CCSER1: variants seen among roughly 807,000 people sequenced by gnomAD.
The protein encoded by CCSER1 is serine-rich coiled-coil domain-containing protein 1.
Under a neutral mutation model 82.0 loss-of-function variants are expected in CCSER1, and 41 were observed. The ratio of observed to expected loss-of-function variants is 0.50; its 90% confidence interval spans 0.39 to 0.65. CCSER1 has a LOEUF of 0.65. Ranked by LOEUF, CCSER1 falls within the 30% of genes least tolerant of loss-of-function variation. CCSER1 has a pLI of 0.00. For missense variants in CCSER1, 1,119 were observed against 1,064.2 expected, an observed-to-expected ratio of 1.05 and a Z score of -0.72; for synonymous variants, 414 against 383.9, an observed-to-expected ratio of 1.08 and a Z score of -0.92.
intron 4 of CCSER1, among the ~76,000 whole-genome samples, chr4:90,453,402 G>T (rs1362226107): frequency 6.6e-6 from 1 of 152,184 alleles, no homozygotes; most frequent in Non-Finnish European, 1.5e-5. Flanking sequence ...TACAAGGGTT[G>T]TTACAGGGTT....
intron 3 of CCSER1, among the ~76,000 whole-genome samples, chr4:90,362,885 T>A (rs1302966733): frequency 3.3e-5 from 5 of 152,212 alleles, no homozygotes; most frequent in African/African-American, 1.2e-4. Context: ...CCTTTCTAAG[T>A]TGTGTGAGTA....
rs1428214661 is a variant in CCSER1, at chr4:90,703,037, C to T, written c.1933-20877C>T. Among the ~76,000 whole-genome samples the T allele has an allele frequency of 3.3e-5, 5 of 152,198 alleles. No individual in the cohort carries two copies. The East Asian group carries it at 9.6e-4, about 29-fold the overall frequency. On this transcript the variant is annotated intron_variant, in intron 6 of 10. Transcript: ENST00000509176. ...TAGCTTTTGAATGTGTTTGCTCTTG[C>T]TTCTCTAGTTGTTTTAATTGTGATG...
chr4:91,462,157 A>G lies in CCSER1; in HGVS notation c.2218-136415A>G, dbSNP rs538986820. The stretch of plus-strand genomic sequence containing the variant: ...TTGCCTTAATAATCATGAATTCTGA[A>G]GTAACAAAAATCCTGAATAAATGAG... On this transcript the variant is annotated intron_variant, in intron 10 of 10. Coordinates refer to ENST00000509176, the MANE Select transcript of CCSER1 (RefSeq NM_001145065.2). 2.5e-3 allele frequency among the ~76,000 whole-genome samples: 380 copies of G among 152,276 alleles called. 2 individuals carry two copies. Among genetic ancestry groups the G allele is most frequent in the Non-Finnish European group, 3.6e-3 (244 of 68,024 alleles).
intron 1 of CCSER1, among the ~76,000 whole-genome samples, chr4:90,231,561 C>A (rs903821166): frequency 2.8e-5 from 4 of 142,870 alleles, no homozygotes; most frequent in African/African-American, 1.1e-4. Context: ...AAAACTGGCA[C>A]AAGACAGGGA....
chr4:90,862,522 A>G (rs1379703026), intron 8 of CCSER1, among the ~76,000 whole-genome samples: 1 of 152,062 alleles, frequency 6.6e-6, no homozygotes, highest in East Asian at 1.9e-4. Flanking sequence ...TCCTACCTTT[A>G]AAGACAACAG....
At chr4:91,318,001 G>T (rs1745947735) in intron 10 of CCSER1, among the ~76,000 whole-genome samples, 1 of 151,948 alleles carries the variant, frequency 6.6e-6, no homozygotes, top group South Asian at 2.1e-4. Context: ...GAGAAGGGTT[G>T]TAGTGGTTTT....
chr4:90,380,585 A>G (rs971932762), intron 3 of CCSER1, among the ~76,000 whole-genome samples: 6 of 152,190 alleles, frequency 3.9e-5, no homozygotes, highest in Admixed American at 2.6e-4. Context: ...TTGTAAATGT[A>G]CAAGTTATTT....
intron 10 of CCSER1, among the ~76,000 whole-genome samples, chr4:91,156,415 C>G (rs1730824726): frequency 6.6e-6 from 1 of 151,544 alleles, no homozygotes; most frequent in African/African-American, 2.4e-5. Context: ...CTGTTCTGAT[C>G]CTTAGAAATT....
At chr4:90,485,232 T>G (rs1766822913) in intron 5 of CCSER1, among the ~76,000 whole-genome samples, 1 of 152,190 alleles carries the variant, frequency 6.6e-6, no homozygotes, top group African/African-American at 2.4e-5. Context: ...AAGAGCGCAG[T>G]ATTAGGGTGG....
At chr4:90,857,817 A>G (rs555447117) in intron 8 of CCSER1, among the ~76,000 whole-genome samples, 36 of 152,100 alleles carry the variant, frequency 2.4e-4, no homozygotes, top group Non-Finnish European at 5.0e-4. Context: ...CTAATGCACA[A>G]CATATGGACT....
At chr4:91,081,802 T>C in intron 9 of CCSER1, among the ~76,000 whole-genome samples, 1 of 152,152 alleles carries the variant, frequency 6.6e-6, no homozygotes, top group Non-Finnish European at 1.5e-5. Context: ...ATGAGTGAAC[T>C]CCCATTCACA....
At chr4:90,196,981 G>A (rs1642084380) in intron 1 of CCSER1, among the ~76,000 whole-genome samples, 1 of 151,990 alleles carries the variant, frequency 6.6e-6, no homozygotes, top group Non-Finnish European at 1.5e-5. Context: ...AGATCCTACA[G>A]GTTAAGGTCT....
At chr4:91,151,334 A>T (rs1055744376) in intron 10 of CCSER1, among the ~76,000 whole-genome samples, 7 of 151,770 alleles carry the variant, frequency 4.6e-5, no homozygotes, top group African/African-American at 7.3e-5. Context: ...ATCATTTTTT[A>T]TTGCATCTAT....
chr4:90,658,723 T>C (rs146593942), intron 6 of CCSER1, among the ~76,000 whole-genome samples: 17 of 152,312 alleles, frequency 1.1e-4, no homozygotes, highest in African/African-American at 3.4e-4. Flanking sequence ...TAAAAAGATA[T>C]AGTAACTCAG....
rs115187721 is a variant in CCSER1 at position 90,276,110 on chromosome 4, G to A, written c.-41-32134G>A. On this transcript the variant is annotated intron_variant, in intron 1 of 10. Coordinates refer to ENST00000509176, the MANE Select transcript of CCSER1 (RefSeq NM_001145065.2). ...CCTGACATATCTTGATATTTGATGA[G>A]TCTCAATGAGAAAACCATTTTGTGT... Among the ~76,000 whole-genome samples, 947 of 152,024 alleles carry A rather than the reference G, an allele frequency of 6.2e-3. 8 individuals are homozygous for A. Among genetic ancestry groups the A allele is most frequent in the African/African-American group, 0.022 (920 of 41,456 alleles).
intron 3 of CCSER1, among the ~76,000 whole-genome samples, chr4:90,386,641 A>C (rs1750103858): frequency 6.6e-6 from 1 of 152,382 alleles, no homozygotes; most frequent in South Asian, 2.1e-4. Context: ...AAAATAAATA[A>C]GTAGGACCAA....
At chr4:90,801,210 G>A (rs1219873358) in intron 7 of CCSER1, among the ~76,000 whole-genome samples, 2 of 152,122 alleles carry the variant, frequency 1.3e-5, no homozygotes, top group African/African-American at 4.8e-5. Context: ...TTGAGAGGCT[G>A]ATGAACACTT....
At chr4:91,545,525 A>T (rs1761842856) in intron 10 of CCSER1, among the ~76,000 whole-genome samples, 1 of 152,146 alleles carries the variant, frequency 6.6e-6, no homozygotes, top group Admixed American at 6.6e-5. Flanking sequence ...ATATATATCT[A>T]AGTATCTAAT....
chr4:91,349,559 T>A (rs6841781), intron 10 of CCSER1, among the ~76,000 whole-genome samples: 1 of 151,924 alleles, frequency 6.6e-6, no homozygotes, highest in Admixed American at 6.6e-5. Context: ...CTGGAGGGGG[T>A]TAACGTTGTA....
Sources: allele counts gnomAD v4.1 joint callset (sites outside exome capture counted in the v4.1 genomes callset), GRCh38; gene constraint gnomAD v4.1.1; transcripts MANE v1.5; gene names NCBI Gene and HGNC (gene_info 2026-07-23, HGNC 2026-07-21).